Variants in BLOC1S3 observed in about 807,000 individuals in gnomAD.
The protein encoded by BLOC1S3 is biogenesis of lysosome-related organelles complex 1 subunit 3.
A neutral mutation model predicts 9.1 loss-of-function variants in BLOC1S3; 7 were observed. That is an observed-to-expected ratio of 0.77 (90% CI 0.44 to 1.45). The LOEUF (loss-of-function observed/expected upper bound fraction) is 1.45. Ranked by LOEUF, BLOC1S3 falls within the 40% of genes most tolerant of loss-of-function variation. The probability of loss-of-function intolerance (pLI) is 0.01; values close to 1 mark genes in which losing one functional copy is unlikely to be tolerated. For missense variants in BLOC1S3, 307 were observed against 315.2 expected (o/e 0.97, Z 0.20); for synonymous variants, 145 against 158.4 (o/e 0.92, Z 0.64).
At chr19:45,182,788 G>T (rs1049713084), downstream of BLOC1S3, among the ~76,000 whole-genome samples, 1 of 152,142 alleles carries the variant, frequency 6.6e-6, no homozygotes, top group Non-Finnish European at 1.5e-5. Flanking sequence ...AAAGGGCTAG[G>T]ATTACAGGCA....
intron 3 of BLOC1S3, among the ~76,000 whole-genome samples, chr19:45,207,801 CCTGCAT>C (rs1969739345): frequency 1.3e-5 from 2 of 152,104 alleles, no homozygotes; most frequent in Non-Finnish European, 2.9e-5. Context: ...CACGCATACA[CCTGCAT>C]ACACACACAT....
chr19:45,210,231 T>G (rs1290257187), intron 3 of BLOC1S3, among the ~76,000 whole-genome samples: 1 of 91,340 alleles, frequency 1.1e-5, no homozygotes, highest in African/African-American at 3.1e-5. Context: ...GAGTATGAGG[T>G]TTCTTTATTT....
At chr19:45,194,027 T>A (rs368838424) in intron 2 of BLOC1S3, among the ~76,000 whole-genome samples, 1 of 138,022 alleles carries the variant, frequency 7.2e-6, no homozygotes, top group Non-Finnish European at 1.5e-5. Context: ...ATGGTCTCGA[T>A]CTCCTGACCT....
intron 3 of BLOC1S3, chr19:45,212,476 T>G (rs905198260): frequency 6.5e-6 from 1 of 153,576 alleles, no homozygotes; most frequent in African/African-American, 2.4e-5. Context: ...GCTGGGATAT[T>G]TCTGTAGAGA....
rs565390674 is a variant in BLOC1S3 at position 45,215,989 on chromosome 19, G to A, written n.283-687G>A. The A allele has an allele frequency of 7.0e-5, 109 of 1,561,910 alleles. No individual in the cohort carries two copies. The African/African-American group carries it at 1.3e-3, about 18-fold the overall frequency. ...GCTCACCGGCTCCCTCCCTCAGGAG[G>A]CAGGAAGCACAGGGACGGATGCCAA... On this transcript the variant is annotated intron_variant and non_coding_transcript_variant, in intron 3 of 3. Transcript: ENST00000591569.
intron 3 of BLOC1S3, among the ~76,000 whole-genome samples, chr19:45,215,699 G>A (rs1969824987): frequency 6.6e-6 from 1 of 152,164 alleles, no homozygotes; most frequent in African/African-American, 2.4e-5. Context: ...CCTGGCAGGA[G>A]TTGAATGCCG....
intron 2 of BLOC1S3, among the ~76,000 whole-genome samples, chr19:45,193,533 A>G (rs992387928): frequency 6.6e-6 from 1 of 152,060 alleles, no homozygotes; most frequent in African/African-American, 2.4e-5. Flanking sequence ...GGTCTCTGTC[A>G]AAAGAACTTT....
downstream of BLOC1S3, among the ~76,000 whole-genome samples, chr19:45,183,064 T>G (rs1451700851): frequency 6.6e-6 from 1 of 152,026 alleles, no homozygotes; most frequent in East Asian, 1.9e-4. Flanking sequence ...GACCATAACC[T>G]GTTTAACAGA....
In BLOC1S3 at chr19:45,213,077, G is replaced by C. The variant is rs1278299048; in HGVS notation, n.283-3599G>C. On this transcript the variant is annotated intron_variant and non_coding_transcript_variant, in intron 3 of 3. Transcript: ENST00000591569. Reference sequence around the variant, plus strand: ...CGGCGGTTGGGTGACCCTCAGCGCTGGGCCCGAGGTCGCGCTAGAGACGGA... The same window carrying C: ...CGGCGGTTGGGTGACCCTCAGCGCTCGGCCCGAGGTCGCGCTAGAGACGGA... 2.7e-6 allele frequency: 4 copies of C among 1,496,954 alleles called. No individual in the cohort carries two copies. The African/African-American group carries it at 4.2e-5, about 16-fold the overall frequency. The allele number at this position is 1,496,954 out of a possible 1,614,324, so 92.7% of individuals were successfully genotyped here.
chr19:45,183,920 C>A (rs533592947), downstream of BLOC1S3, among the ~76,000 whole-genome samples: 2 of 152,170 alleles, frequency 1.3e-5, no homozygotes, highest in African/African-American at 4.8e-5. Flanking sequence ...CAGGCATGAG[C>A]CACCACACCT....
At chr19:45,206,429 A>C (rs1018114021) in intron 3 of BLOC1S3, among the ~76,000 whole-genome samples, 51 of 88,234 alleles carry the variant, frequency 5.8e-4, no homozygotes, top group Admixed American at 1.2e-3. Flanking sequence ...CTCTTTTTCC[A>C]CCTTCTTTTG....
At chr19:45,188,719 C>T (rs531716791) in intron 2 of BLOC1S3, among the ~76,000 whole-genome samples, 13 of 151,378 alleles carry the variant, frequency 8.6e-5, no homozygotes, top group East Asian at 5.9e-4. Context: ...ATTACAGGCA[C>T]GCGCCCCCAT....
intron 2 of BLOC1S3, among the ~76,000 whole-genome samples, chr19:45,191,248 G>A (rs1017656017): frequency 3.3e-5 from 5 of 151,798 alleles, no homozygotes; most frequent in African/African-American, 7.3e-5. Flanking sequence ...TCAGCCTCCC[G>A]AGTAGCTGGG....
In BLOC1S3 at chr19:45,179,962, G is replaced by A. The variant is rs1288330616; in HGVS notation, c.*57G>A. The A allele has an allele frequency of 5.1e-6, 8 of 1,571,904 alleles. No homozygotes were observed. Among genetic ancestry groups the A allele is most frequent in the South Asian group, 1.1e-5 (1 of 87,192 alleles). Reference sequence around the variant, plus strand: ...TTGGGGGTAGGCCTTGCTGCCTCTGGGACCTGACTCTGTCTCCTGTGTCTC... The same window carrying A: ...TTGGGGGTAGGCCTTGCTGCCTCTGAGACCTGACTCTGTCTCCTGTGTCTC... On this transcript the variant is annotated 3_prime_UTR_variant, in exon 2 of 2. Coordinates refer to ENST00000433642, the MANE Select transcript of BLOC1S3 (RefSeq NM_212550.5). This position sits in a 1 kb window ranked among gnomAD's most constrained non-coding sequence, Gnocchi z 4.6.
At chr19:45,205,875 A>C (rs1159895383) in intron 3 of BLOC1S3, among the ~76,000 whole-genome samples, 1 of 152,220 alleles carries the variant, frequency 6.6e-6, no homozygotes, top group Non-Finnish European at 1.5e-5. Context: ...GCAGATGACA[A>C]ACAAGTACAC....
chr19:45,204,846 C>T (rs1401086692), intron 3 of BLOC1S3, among the ~76,000 whole-genome samples: 1 of 151,906 alleles, frequency 6.6e-6, no homozygotes, highest in Admixed American at 6.6e-5. Context: ...ATTCTCGTGC[C>T]TCAGCCTCCT....
At chr19:45,192,843 G>A (rs1969616207) in intron 2 of BLOC1S3, among the ~76,000 whole-genome samples, 1 of 151,970 alleles carries the variant, frequency 6.6e-6, no homozygotes, top group Non-Finnish European at 1.5e-5. Flanking sequence ...GTGTGAGGAA[G>A]ACATTTCAAG....
chr19:45,214,365 C>T (rs1261285607), intron 3 of BLOC1S3, among the ~76,000 whole-genome samples: 1 of 152,154 alleles, frequency 6.6e-6, no homozygotes, highest in Non-Finnish European at 1.5e-5. Context: ...CAAGGACTGG[C>T]GTTGCTCCGG....
At chr19:45,188,496 A>G (rs1199967793) in intron 2 of BLOC1S3, among the ~76,000 whole-genome samples, 3 of 151,072 alleles carry the variant, frequency 2.0e-5, no homozygotes, top group African/African-American at 7.3e-5. Flanking sequence ...TTTAAAATGT[A>G]CAACTAGTCA....
Sources: gnomAD v4.1 joint callset for allele counts (sites outside exome capture counted in the v4.1 genomes callset) on GRCh38, gnomAD v4.1.1 for gene constraint, Gnocchi (gnomAD v3.1) non-coding constraint, MANE v1.5 for transcripts, NCBI Gene and HGNC (gene_info 2026-07-23, HGNC 2026-07-21) for gene names.